PTPRD: variants seen among roughly 807,000 people sequenced by gnomAD.
PTPRD encodes receptor-type tyrosine-protein phosphatase delta.
PTPRD carries 34 observed loss-of-function variants against 214.5 expected under a neutral mutation model. The ratio of observed to expected loss-of-function variants is 0.16; its 90% CI spans 0.12 to 0.21. The LOEUF (loss-of-function observed/expected upper bound fraction) is 0.21, where lower values mean the gene tolerates loss of function less well. PTPRD is among the 10% of genes least tolerant of loss of function. The pLI, the probability that PTPRD is intolerant of heterozygous loss-of-function variation, is 1.00. For missense variants in PTPRD, 2,545 were observed against 2,398.7 expected, an observed-to-expected ratio of 1.06 and a Z score of -1.27; for synonymous variants, 1,128 against 845.7, an observed-to-expected ratio of 1.33 and a Z score of -5.79.
intron 9 of PTPRD, among the ~76,000 whole-genome samples, chr9:9,188,468 A>T (rs1057324362): frequency 4.6e-5 from 7 of 152,106 alleles, no homozygotes; most frequent in African/African-American, 1.7e-4. Context: ...TAGCAATTAT[A>T]CTTTTCCTGC....
At chr9:9,031,162 G>A (rs992129166) in intron 10 of PTPRD, among the ~76,000 whole-genome samples, 16 of 151,668 alleles carry the variant, frequency 1.1e-4, no homozygotes, top group Non-Finnish European at 1.9e-4. Flanking sequence ...CTTGTTGATG[G>A]GTCTTTGATG....
intron 3 of PTPRD, among the ~76,000 whole-genome samples, chr9:10,147,403 T>C (rs1332927315): frequency 2.0e-5 from 3 of 152,180 alleles, no homozygotes; most frequent in Non-Finnish European, 4.4e-5. Context: ...ACACGTATGT[T>C]TATTGCGGCA....
intron 11 of PTPRD, among the ~76,000 whole-genome samples, chr9:8,783,205 G>T (rs2095806083): frequency 6.6e-6 from 1 of 152,070 alleles, no homozygotes; most frequent in Admixed American, 6.5e-5. Flanking sequence ...AACAAAAAAA[G>T]TTCAAAATGA....
chr9:8,440,334 G>C (rs1026776369), intron 34 of PTPRD, among the ~76,000 whole-genome samples: 76 of 136,300 alleles, frequency 5.6e-4, no homozygotes, highest in African/African-American at 1.9e-3. Context: ...TTTTTTTTTT[G>C]AGATGTAGTC....
At chr9:10,036,317 C>G (rs1187975649) in intron 3 of PTPRD, among the ~76,000 whole-genome samples, 2 of 151,990 alleles carry the variant, frequency 1.3e-5, no homozygotes, top group Non-Finnish European at 2.9e-5. Context: ...AATGTGTTAC[C>G]CGCATGCTTA....
At chr9:10,581,338 A>G (rs2071699625) in intron 2 of PTPRD, among the ~76,000 whole-genome samples, 1 of 152,184 alleles carries the variant, frequency 6.6e-6, no homozygotes, top group South Asian at 2.1e-4. Flanking sequence ...GCAAGACAAA[A>G]TATTTTTCTT....
chr9:9,214,673 T>C (rs747960578), intron 9 of PTPRD, among the ~76,000 whole-genome samples: 1 of 152,134 alleles, frequency 6.6e-6, no homozygotes. Context: ...TTAGAGAAGA[T>C]AAAAACGCCA....
At chr9:9,029,211 A>C (rs982966430) in intron 10 of PTPRD, among the ~76,000 whole-genome samples, 1 of 152,058 alleles carries the variant, frequency 6.6e-6, no homozygotes, top group Non-Finnish European at 1.5e-5. Context: ...AGAAAATTTA[A>C]ATTATATACA....
rs145495730 is a variant in PTPRD at position 9,122,370 on chromosome 9, T to C, written c.-143+60934A>G. On this transcript the variant is annotated intron_variant, in intron 10 of 45. Coordinates refer to ENST00000381196, the MANE Select transcript of PTPRD (RefSeq NM_002839.4). ...CTACATAACTACAAAAAATCAAAGATATATAATATTTCAAAGAAGAATCTT... is the reference window on the plus strand; with the variant it reads ...CTACATAACTACAAAAAATCAAAGACATATAATATTTCAAAGAAGAATCTT... Among the ~76,000 whole-genome samples, 649 of 152,298 alleles carry C rather than the reference T, an allele frequency of 4.3e-3. 21 individuals carry two copies. Among genetic ancestry groups the C allele is most frequent in the Admixed American group, 0.041 (625 of 15,296 alleles).
chr9:9,947,574 ATT>A (rs1566624317), intron 4 of PTPRD, among the ~76,000 whole-genome samples: 908 of 47,488 alleles, frequency 0.019, 148 homozygotes, highest in African/African-American at 0.095. Flanking sequence ...TTATATATAT[ATT>A]ATATATATAT....
chr9:9,703,330 T>C (rs1454928014), intron 7 of PTPRD, among the ~76,000 whole-genome samples: 1 of 152,218 alleles, frequency 6.6e-6, no homozygotes, highest in African/African-American at 2.4e-5. Flanking sequence ...TATTTCTTTA[T>C]AGCAGTGTGA....
At chr9:8,491,658 T>TTAA (rs1459871047) in intron 27 of PTPRD, among the ~76,000 whole-genome samples, 98 of 113,534 alleles carry the variant, frequency 8.6e-4, no homozygotes, top group African/African-American at 3.2e-3. Flanking sequence ...CAATGGTATT[T>TTAA]AAAAAAAAAA....
At chr9:10,562,724 C>A (rs1021712482) in intron 2 of PTPRD, among the ~76,000 whole-genome samples, 5 of 152,068 alleles carry the variant, frequency 3.3e-5, no homozygotes, top group African/African-American at 1.2e-4. Context: ...TTTCTACATG[C>A]ATAGAATAGT....
intron 12 of PTPRD, among the ~76,000 whole-genome samples, chr9:8,677,318 A>G (rs769793071): frequency 2.0e-5 from 3 of 152,226 alleles, no homozygotes; most frequent in Non-Finnish European, 4.4e-5. Context: ...GTATATATAC[A>G]TGAGGAAATA....
At chr9:9,381,926 G>C (rs1018030892) in intron 9 of PTPRD, among the ~76,000 whole-genome samples, 19 of 151,022 alleles carry the variant, frequency 1.3e-4, no homozygotes, top group African/African-American at 4.1e-4. Flanking sequence ...AAATCATTGG[G>C]GTTTTAATGT....
chr9:8,533,024 C>T (rs965519139), intron 14 of PTPRD, among the ~76,000 whole-genome samples: 44 of 152,194 alleles, frequency 2.9e-4, no homozygotes, highest in African/African-American at 9.6e-4. Flanking sequence ...TAGTCTGACA[C>T]TGTTTTGTAG....
rs113994586 is a variant in PTPRD at position 8,672,527 on chromosome 9, A to G, written c.65-35683T>C. On this transcript the variant is annotated intron_variant, in intron 12 of 45. Coordinates refer to ENST00000381196, the MANE Select transcript of PTPRD (RefSeq NM_002839.4). ...GACATGCTAGGGTTCCTTGTAACACACATTTAACTCTACCTTCTTATAATT... is the reference window on the plus strand; with the variant it reads ...GACATGCTAGGGTTCCTTGTAACACGCATTTAACTCTACCTTCTTATAATT... Among the ~76,000 whole-genome samples the G allele has an allele frequency of 4.2e-3, 633 of 152,246 alleles. 7 individuals are homozygous for G. The highest frequency in any genetic ancestry group is 0.015 in the African/African-American group (603 of 41,548).
intron 10 of PTPRD, among the ~76,000 whole-genome samples, chr9:9,036,483 G>C (rs1343054120): frequency 6.6e-6 from 1 of 152,004 alleles, no homozygotes; most frequent in African/African-American, 2.4e-5. Flanking sequence ...AATAGCAAAA[G>C]GGCATTAAGT....
chr9:9,349,520 C>A (rs372642823), intron 9 of PTPRD, among the ~76,000 whole-genome samples: 22 of 151,886 alleles, frequency 1.4e-4, no homozygotes, highest in African/African-American at 4.8e-4. Flanking sequence ...TTTGGAATCC[C>A]ACTCAAAATG....
Sources: gnomAD v4.1 joint callset for allele counts (sites outside exome capture counted in the v4.1 genomes callset) on GRCh38, gnomAD v4.1.1 for gene constraint, MANE v1.5 for transcripts, NCBI Gene and HGNC (gene_info 2026-07-23, HGNC 2026-07-21) for gene names.